The following FAM240B variants were observed in gnomAD, a reference collection of about 807,000 sequenced individuals.
The protein encoded by FAM240B is protein FAM240B.
rs919888984 is a variant in FAM240B at position 38,707,841 on chromosome 9, A to G, written c.-3-3839T>C. On this transcript the variant is annotated intron_variant, in intron 1 of 2. Transcript: ENST00000637493. ...GGGTGAACCCAAAGGAAATCAGGCT[A>G]TGAAGTATCTGATGCATGCCAGCTC... Among the ~76,000 whole-genome samples, 3 of 151,640 alleles carry G rather than the reference A, an allele frequency of 2.0e-5. No homozygotes were observed. In the South Asian group the frequency reaches 6.2e-4, roughly 32 times the overall value.
chr9:38,705,234 T>G (rs1260641849), intron 1 of FAM240B: 1 of 152,338 alleles, frequency 6.6e-6, no homozygotes, highest in Non-Finnish European at 1.5e-5. Flanking sequence ...TATGATCCCG[T>G]GCAAGCTGGG....
intron 1 of FAM240B, among the ~76,000 whole-genome samples, chr9:38,713,888 C>A (rs1188702817): frequency 2.0e-5 from 3 of 152,154 alleles, no homozygotes; most frequent in African/African-American, 7.2e-5. Flanking sequence ...AAAGTAAGCA[C>A]TACTTTTATC....
chr9:38,708,719 G>A (rs1344290649), intron 1 of FAM240B, among the ~76,000 whole-genome samples: 1 of 152,120 alleles, frequency 6.6e-6, no homozygotes, highest in Non-Finnish European at 1.5e-5. Context: ...GCTTGTTCAG[G>A]GGACTCACAA....
chr9:38,702,445 A>T (rs1821139783), intron 2 of FAM240B, among the ~76,000 whole-genome samples: 1 of 152,234 alleles, frequency 6.6e-6, no homozygotes, highest in Non-Finnish European at 1.5e-5. Flanking sequence ...TCTGCTGTGG[A>T]GAACACATGA....
chr9:38,699,412 G>A (rs7036228), intron 2 of FAM240B, among the ~76,000 whole-genome samples: 2,168 of 152,282 alleles, frequency 0.014, 42 homozygotes, highest in African/African-American at 0.05. Flanking sequence ...AAGAAGGGAG[G>A]AAACTGAAGC....
intron 1 of FAM240B, chr9:38,705,332 G>C (rs1478708160): frequency 6.5e-6 from 1 of 152,710 alleles, no homozygotes; most frequent in Admixed American, 6.5e-5. Flanking sequence ...GCTCCTACCT[G>C]TAATCCCAGC....
chr9:38,710,126 C>T (rs1821237739), intron 1 of FAM240B, among the ~76,000 whole-genome samples: 1 of 152,138 alleles, frequency 6.6e-6, no homozygotes, highest in South Asian at 2.1e-4. Context: ...CACACCACCA[C>T]ACCCAGGTAA....
intron 2 of FAM240B, among the ~76,000 whole-genome samples, chr9:38,700,096 G>T (rs1821108309): frequency 6.6e-6 from 1 of 152,156 alleles, no homozygotes; most frequent in Admixed American, 6.5e-5. Context: ...ACAAGCTTTG[G>T]CATACTCATT....
At chr9:38,704,657 A>ACT (rs1428844647) in intron 1 of FAM240B, among the ~76,000 whole-genome samples, 11 of 152,362 alleles carry the variant, frequency 7.2e-5, no homozygotes, top group African/African-American at 2.2e-4. Flanking sequence ...CATGCATGAC[A>ACT]AATGGCCAAC....
At chr9:38,707,339 T>C (rs778523690) in intron 1 of FAM240B, among the ~76,000 whole-genome samples, 2 of 152,032 alleles carry the variant, frequency 1.3e-5, no homozygotes, top group South Asian at 4.2e-4. Context: ...TCCTCTCTGT[T>C]TGGGAGGAAG....
At chr9:38,701,907 A>AAC (rs112042925) in intron 2 of FAM240B, among the ~76,000 whole-genome samples, 38,555 of 151,282 alleles carry the variant, frequency 0.25, 5,126 homozygotes, top group South Asian at 0.36. Context: ...AAAATAGGAG[A>AAC]ACACACACAC....
chr9:38,696,217 ACTTTCATCTTTCATT>A, intron 2 of FAM240B, among the ~76,000 whole-genome samples: 1 of 152,164 alleles, frequency 6.6e-6, no homozygotes, highest in African/African-American at 2.4e-5. Flanking sequence ...AAATTGATTC[ACTTTCATCTTTCATT>A]CTTATAAATA....
intron 1 of FAM240B, among the ~76,000 whole-genome samples, chr9:38,717,397 G>A (rs1289894286): frequency 6.6e-6 from 1 of 152,094 alleles, no homozygotes; most frequent in East Asian, 2.0e-4. Flanking sequence ...TGGCCAACAG[G>A]GTGAAACCCC....
chr9:38,694,338 G>C lies in FAM240B; in HGVS notation c.*438C>G, dbSNP rs1350248315. 1 of 154,798 alleles carries C rather than the reference G, an allele frequency of 6.5e-6. No homozygotes were observed. The highest frequency in any genetic ancestry group is 2.4e-5 in the African/African-American group (1 of 41,568). 9.6% of individuals were successfully genotyped at this position (154,798 alleles called of 1,614,324 possible). ...TGTTCACAAAAAGCGGGGAAAGAAG[G>C]ACAAGATTTTATGACTCTTTTTCCA... On this transcript the variant is annotated 3_prime_UTR_variant, in exon 3 of 3. Coordinates refer to ENST00000637493, the MANE Select transcript of FAM240B (RefSeq NM_001394922.1).
chr9:38,718,855 T>C (rs954534986), intron 1 of FAM240B, among the ~76,000 whole-genome samples: 1 of 152,190 alleles, frequency 6.6e-6, no homozygotes, highest in African/African-American at 2.4e-5. Context: ...GGCTTAGAGT[T>C]ACCATATTAA....
intron 1 of FAM240B, among the ~76,000 whole-genome samples, chr9:38,716,394 C>G (rs111882396): frequency 0.031 from 4,682 of 152,282 alleles, 111 homozygotes; most frequent in Middle Eastern, 0.082. Context: ...ATCGCTTGAA[C>G]TGGGGAGGCG....
At chr9:38,710,639 G>A (rs762812158) in intron 1 of FAM240B, among the ~76,000 whole-genome samples, 9 of 152,170 alleles carry the variant, frequency 5.9e-5, no homozygotes, top group East Asian at 1.9e-4. Flanking sequence ...GCCCTGCAAC[G>A]ACAGGGCGTG....
intron 1 of FAM240B, among the ~76,000 whole-genome samples, chr9:38,706,056 C>T (rs1821187525): frequency 1.3e-5 from 2 of 151,950 alleles, no homozygotes; most frequent in South Asian, 2.1e-4. Flanking sequence ...CACACAGCTA[C>T]GTGAGGGCCA....
chr9:38,695,792 A>AT (rs1821062435), intron 2 of FAM240B, among the ~76,000 whole-genome samples: 1 of 152,246 alleles, frequency 6.6e-6, no homozygotes, highest in Admixed American at 6.5e-5. Context: ...ACACTACCTG[A>AT]TTTGAAGCTT....
Sources: gnomAD v4.1 joint callset for allele counts (sites outside exome capture counted in the v4.1 genomes callset) on GRCh38, gnomAD v4.1.1 for gene constraint, MANE v1.5 for transcripts, NCBI Gene and HGNC (gene_info 2026-07-23, HGNC 2026-07-21) for gene names.